UMAD1: variants seen among roughly 807,000 people sequenced by gnomAD.
The protein encoded by UMAD1 is UBAP1-MVB12-associated (UMA) domain containing 1, also known as UBAP1-MVB12-associated (UMA)-domain containing protein 1.
UMAD1 carries 8 observed loss-of-function variants against 6.1 expected under a neutral mutation model. The ratio of observed to expected loss-of-function variants is 1.30; its 90% CI spans 0.76 to 2.35. The LOEUF (loss-of-function observed/expected upper bound fraction) is 2.35, where lower values mean the gene tolerates loss of function less well. Among genes scored for constraint, UMAD1 ranks in the 30% most tolerant of loss-of-function variants. UMAD1 has a pLI of 0.00. For missense variants in UMAD1, 130 were observed against 78.4 expected, an observed-to-expected ratio of 1.66 and a Z score of -2.49; for synonymous variants, 56 against 31.4, an observed-to-expected ratio of 1.78 and a Z score of -2.61.
intron 2 of UMAD1, among the ~76,000 whole-genome samples, chr7:7,795,577 G>C (rs1782659852): frequency 6.6e-6 from 1 of 152,232 alleles, no homozygotes; most frequent in African/African-American, 2.4e-5. Context: ...GCAGCTGCGA[G>C]GGCTGCTGGT....
intron 2 of UMAD1, among the ~76,000 whole-genome samples, chr7:7,793,782 TAG>T (rs1338852130): frequency 6.6e-6 from 1 of 152,194 alleles, no homozygotes; most frequent in Non-Finnish European, 1.5e-5. Flanking sequence ...TTTGGCCATA[TAG>T]AGAGTCTTCC....
At chr7:7,711,111 T>G (rs1563144546) in intron 2 of UMAD1, among the ~76,000 whole-genome samples, 1 of 152,204 alleles carries the variant, frequency 6.6e-6, no homozygotes, top group African/African-American at 2.4e-5. Flanking sequence ...TATGGAGATG[T>G]TCTGTATCTG....
chr7:7,673,423 G>C lies in UMAD1; in HGVS notation c.52G>C (p.Glu18Gln). The C allele has an allele frequency of 1.0e-6, 1 of 1,001,574 alleles. No individual in the cohort carries two copies. Among genetic ancestry groups the C allele is most frequent in the Non-Finnish European group, 1.5e-6 (1 of 657,010 alleles). The allele number at this position is 1,001,574 out of a possible 1,614,324, so 62.0% of individuals were successfully genotyped here. Reference protein sequence around the residue: ...PPESKKPSVPETEADGFVLLG... With the variant: ...PPESKKPSVPQTEADGFVLLG... ...GGAATCTAAAAAGCCCTCAGTACCA[G>C]AGACAGAAGCAGATGGATTCGTCCT... Residue 18 changes from glutamate (E) to glutamine (Q), a missense_variant, in exon 2 of 4, where the codon GAG becomes CAG. By Grantham distance (29) the Glu-to-Gln change is conservative. Transcript: ENST00000682710.
chr7:7,860,798 A>AAAT (rs151150969), intron 3 of UMAD1, among the ~76,000 whole-genome samples: 1 of 45,474 alleles, frequency 2.2e-5, no homozygotes, highest in Admixed American at 1.8e-4. Flanking sequence ...ATAACAAAAA[A>AAAT]AATAATAATA....
At chr7:7,871,305 A>C (rs1784327683) in intron 3 of UMAD1, among the ~76,000 whole-genome samples, 1 of 152,176 alleles carries the variant, frequency 6.6e-6, no homozygotes, top group South Asian at 2.1e-4. Flanking sequence ...TGTACCCTAA[A>C]ATTGTTGAAG....
intron 3 of UMAD1, among the ~76,000 whole-genome samples, chr7:7,836,266 A>G (rs1256435658): frequency 6.6e-6 from 1 of 151,986 alleles, no homozygotes; most frequent in African/African-American, 2.4e-5. Context: ...GTATATTCTT[A>G]AGCTCTTGGA....
intron 2 of UMAD1, among the ~76,000 whole-genome samples, chr7:7,783,212 A>T (rs1056176647): frequency 6.6e-6 from 1 of 152,244 alleles, no homozygotes; most frequent in Admixed American, 6.5e-5. Context: ...TGTAAAATGA[A>T]ACTAGGTCAG....
intron 1 of UMAD1, among the ~76,000 whole-genome samples, chr7:7,656,126 C>T (rs759443388): frequency 2.0e-5 from 3 of 152,008 alleles, no homozygotes; most frequent in Non-Finnish European, 2.9e-5. Context: ...TGAGCCACTG[C>T]GCCTGGCCAG....
intron 2 of UMAD1, among the ~76,000 whole-genome samples, chr7:7,755,270 C>T (rs969561149): frequency 6.6e-6 from 1 of 152,124 alleles, no homozygotes; most frequent in Admixed American, 6.5e-5. Context: ...TATTTTACCA[C>T]CACCAGTTCC....
chr7:7,762,157 G>A (rs537037819), intron 2 of UMAD1, among the ~76,000 whole-genome samples: 6 of 152,138 alleles, frequency 3.9e-5, no homozygotes, highest in African/African-American at 1.4e-4. Flanking sequence ...TATCTGTACT[G>A]TTGATCCGTT....
intron 3 of UMAD1, among the ~76,000 whole-genome samples, chr7:7,860,150 A>C (rs190363010): frequency 8.8e-4 from 134 of 152,268 alleles, no homozygotes; most frequent in African/African-American, 3.0e-3. Context: ...GGTCTTAGGG[A>C]TTATGGAGCT....
chr7:7,871,895 C>T (rs750169792), intron 3 of UMAD1, among the ~76,000 whole-genome samples: 8 of 151,612 alleles, frequency 5.3e-5, no homozygotes, highest in Admixed American at 1.3e-4. Flanking sequence ...AATATTGCTG[C>T]TGGAGAGTTA....
rs554295551 is a variant in UMAD1, at chr7:7,690,812, TG to T, written c.82+17360del. 9.8e-5 allele frequency among the ~76,000 whole-genome samples: 15 copies of T among 152,328 alleles called. No individual in the cohort carries two copies. In the East Asian group the frequency reaches 2.9e-3, roughly 29 times the overall value. Reference sequence around the variant, plus strand: ...TTCACATATAAATGCTTTTCTAGCCTGTAGGCATCTTTTCATTGCTAAAGTT... The same window carrying T: ...TTCACATATAAATGCTTTTCTAGCCTTAGGCATCTTTTCATTGCTAAAGTT... On this transcript the variant is annotated intron_variant, in intron 2 of 3. Transcript: ENST00000682710.
intron 3 of UMAD1, among the ~76,000 whole-genome samples, chr7:7,812,486 T>C (rs963926165): frequency 2.0e-5 from 3 of 152,228 alleles, no homozygotes; most frequent in African/African-American, 7.2e-5. Flanking sequence ...TTGATCACAA[T>C]TGATTGCAAT....
chr7:7,867,833 A>C (rs1563272965), intron 3 of UMAD1, among the ~76,000 whole-genome samples: 1 of 152,212 alleles, frequency 6.6e-6, no homozygotes, highest in African/African-American at 2.4e-5. Context: ...AAGATTAGCA[A>C]TTAGGAGACT....
chr7:7,730,176 G>A (rs1045097202), intron 2 of UMAD1, among the ~76,000 whole-genome samples: 20 of 152,166 alleles, frequency 1.3e-4, no homozygotes, highest in African/African-American at 4.8e-4. Context: ...GCTCTCTTCT[G>A]TGGTCTTTTC....
At chr7:7,743,661 A>C (rs974737198) in intron 2 of UMAD1, among the ~76,000 whole-genome samples, 1 of 151,670 alleles carries the variant, frequency 6.6e-6, no homozygotes, top group South Asian at 2.1e-4. Context: ...AAAGCAGGGG[A>C]AAGTAAGCTA....
At chr7:7,717,557 G>A (rs1389384221) in intron 2 of UMAD1, among the ~76,000 whole-genome samples, 2 of 152,144 alleles carry the variant, frequency 1.3e-5, no homozygotes, top group African/African-American at 4.8e-5. Flanking sequence ...TATTTTTTAT[G>A]ATTTCCCACT....
chr7:7,864,805 A>G (rs756857529), intron 3 of UMAD1, among the ~76,000 whole-genome samples: 1 of 152,182 alleles, frequency 6.6e-6, no homozygotes, highest in Admixed American at 6.5e-5. Flanking sequence ...GGAACCAACC[A>G]TGTAATTAGA....
Sources: allele counts gnomAD v4.1 joint callset (sites outside exome capture counted in the v4.1 genomes callset), GRCh38; gene constraint gnomAD v4.1.1; transcripts MANE v1.5; gene names NCBI Gene and HGNC (gene_info 2026-07-23, HGNC 2026-07-21).